The following NMNAT3 variants were observed in gnomAD, a reference collection of about 807,000 sequenced individuals.
NMNAT3 encodes nicotinamide/nicotinic acid mononucleotide adenylyltransferase 3.
In NMNAT3, 21 loss-of-function variants were observed where a neutral mutation model predicts 24.8. The ratio of observed to expected loss-of-function variants is 0.85; its 90% CI spans 0.60 to 1.22. NMNAT3 has a LOEUF of 1.22. Among genes scored for constraint, NMNAT3 ranks in the 50% most tolerant of loss-of-function variants. NMNAT3 has a pLI of 0.00. For missense variants in NMNAT3, 387 were observed against 436.6 expected, an observed-to-expected ratio of 0.89 and a Z score of 1.01; for synonymous variants, 136 against 155.2, an observed-to-expected ratio of 0.88 and a Z score of 0.92.
At chr3:139,606,232 C>T (rs1361380747) in intron 3 of NMNAT3, among the ~76,000 whole-genome samples, 1 of 152,200 alleles carries the variant, frequency 6.6e-6, no homozygotes, top group Non-Finnish European at 1.5e-5. Context: ...CCTGTATCTA[C>T]AGTCTCTGCT....
intron 3 of NMNAT3, among the ~76,000 whole-genome samples, chr3:139,625,248 A>G (rs1432461384): frequency 6.6e-6 from 1 of 152,210 alleles, no homozygotes; most frequent in East Asian, 1.9e-4. Flanking sequence ...TATGCTTCTT[A>G]TTTATAGTTG....
chr3:139,668,524 A>T (rs1310066780), intron 1 of NMNAT3, among the ~76,000 whole-genome samples: 1 of 152,238 alleles, frequency 6.6e-6, no homozygotes, highest in East Asian at 1.9e-4. Flanking sequence ...TGACAAATAG[A>T]ATACCTACCA....
Position 139,578,985 on chromosome 3 carries a change from A to C in NMNAT3, c.462T>G (p.Ala154=), listed in dbSNP as rs1314917135. Residue 154 remains alanine, a synonymous_variant, in exon 5 of 7, where the codon GCT becomes GCG. Transcript: ENST00000643695. ...GGGCCATGGCCACTCGGTGATGAGA[A>C]GCTGCGAGGTCTTTCTTCCCATAGG... The C allele has an allele frequency of 1.2e-6, 2 of 1,614,218 alleles. No individual in the cohort carries two copies. The highest frequency in any genetic ancestry group is 1.7e-5 in the Admixed American group (1 of 60,020).
intron 3 of NMNAT3, among the ~76,000 whole-genome samples, chr3:139,624,563 C>T (rs759731159): frequency 6.6e-6 from 1 of 152,164 alleles, no homozygotes; most frequent in African/African-American, 2.4e-5. Context: ...ATTATCCTGC[C>T]TCAGCCTTCT....
At position 139,615,474 on chromosome 3, in the gene NMNAT3, C is replaced by T. The variant is rs183703065; in HGVS notation, c.109+12142G>A. Among the ~76,000 whole-genome samples, 643 of 91,364 alleles carry T rather than the reference C, an allele frequency of 7.0e-3. 6 individuals are homozygous for T. Among genetic ancestry groups the T allele is most frequent in the Non-Finnish European group, 5.0e-3 (210 of 41,812 alleles). 59.9% of individuals were successfully genotyped at this position (91,364 alleles called of 152,430 possible). On this transcript the variant is annotated intron_variant, in intron 3 of 6. Coordinates refer to ENST00000643695, the MANE Select transcript of NMNAT3 (RefSeq NM_001320510.2). ...ATCTATCTATCTATCCATCCACCCA[C>T]CCATCCATCCATTTATCCATCTACC...
At chr3:139,612,115 C>T (rs2055247130) in intron 3 of NMNAT3, among the ~76,000 whole-genome samples, 1 of 148,268 alleles carries the variant, frequency 6.7e-6, no homozygotes, top group East Asian at 2.0e-4. Context: ...TGCGGTGAGC[C>T]GAGACTGTGC....
chr3:139,619,928 T>C (rs894409047), intron 3 of NMNAT3, among the ~76,000 whole-genome samples: 6 of 152,216 alleles, frequency 3.9e-5, no homozygotes, highest in African/African-American at 1.4e-4. Flanking sequence ...AATAACATTA[T>C]TGGCCTGAAA....
At chr3:139,657,005 T>C (rs2057267128) in intron 1 of NMNAT3, among the ~76,000 whole-genome samples, 1 of 152,238 alleles carries the variant, frequency 6.6e-6, no homozygotes, top group African/African-American at 2.4e-5. Context: ...AACTACACTT[T>C]TATCTTTAAT....
intron 1 of NMNAT3, among the ~76,000 whole-genome samples, chr3:139,676,080 G>T (rs1192143780): frequency 6.6e-6 from 1 of 152,128 alleles, no homozygotes; most frequent in African/African-American, 2.4e-5. Flanking sequence ...CTGCACAATG[G>T]CTGCTCTCTC....
Position 139,571,837 on chromosome 3 carries a change from T to C in NMNAT3, c.658+1761A>G, listed in dbSNP as rs370955571. ...AGCTGAGACAGGGATTCTGGAAGCA[T>C]ATGCAGAGAGGTGAAGTGTGCGAGG... On this transcript the variant is annotated intron_variant, in intron 6 of 6. Coordinates refer to ENST00000643695, the MANE Select transcript of NMNAT3 (RefSeq NM_001320510.2). 4.6e-5 allele frequency among the ~76,000 whole-genome samples: 7 copies of C among 152,242 alleles called. No homozygotes were observed. In the East Asian group the frequency reaches 9.7e-4, roughly 21 times the overall value.
At chr3:139,622,771 C>G (rs1005762025) in intron 3 of NMNAT3, among the ~76,000 whole-genome samples, 19 of 132,484 alleles carry the variant, frequency 1.4e-4, no homozygotes, top group Admixed American at 7.3e-4. Context: ...TCATATATAT[C>G]ATATATATGA....
intron 3 of NMNAT3, among the ~76,000 whole-genome samples, chr3:139,608,494 C>T (rs537605678): frequency 7.4e-4 from 112 of 152,278 alleles, no homozygotes; most frequent in African/African-American, 2.5e-3. Flanking sequence ...GTGTCACTTC[C>T]GCTGTTCACC....
chr3:139,654,200 A>G (rs890521387), intron 1 of NMNAT3, among the ~76,000 whole-genome samples: 2 of 152,246 alleles, frequency 1.3e-5, no homozygotes, highest in African/African-American at 4.8e-5. Context: ...ATTAATCTGC[A>G]GATAAAAATA....
intron 1 of NMNAT3, among the ~76,000 whole-genome samples, chr3:139,645,337 A>G (rs190859175): frequency 7.5e-4 from 114 of 152,330 alleles, no homozygotes; most frequent in African/African-American, 2.6e-3. Context: ...AATGAGAGGC[A>G]CAGATTTGTT....
chr3:139,626,109 G>A (rs139793334), intron 3 of NMNAT3, among the ~76,000 whole-genome samples: 7 of 152,064 alleles, frequency 4.6e-5, no homozygotes, highest in Middle Eastern at 3.4e-3. Context: ...TTTTCTTAAC[G>A]TTTCTTGTGT....
intron 3 of NMNAT3, among the ~76,000 whole-genome samples, chr3:139,600,066 T>C (rs1206959322): frequency 6.6e-6 from 1 of 152,216 alleles, no homozygotes; most frequent in East Asian, 1.9e-4. Flanking sequence ...CAATTTCTCT[T>C]ACTTCTTTGT....
intron 2 of NMNAT3, among the ~76,000 whole-genome samples, chr3:139,630,200 G>A (rs189946841): frequency 2.6e-5 from 4 of 152,326 alleles, no homozygotes; most frequent in Admixed American, 2.6e-4. Context: ...AGAACCTCCT[G>A]TAGATTTTGC....
At chr3:139,562,119 C>T (rs1279054362) in intron 6 of NMNAT3, among the ~76,000 whole-genome samples, 1 of 146,428 alleles carries the variant, frequency 6.8e-6, no homozygotes, top group African/African-American at 2.4e-5. Context: ...CATATGCACC[C>T]CAGAACAATT....
At chr3:139,596,916 G>GTGTATATATATATATA (rs1393197797) in intron 3 of NMNAT3, among the ~76,000 whole-genome samples, 19 of 97,136 alleles carry the variant, frequency 2.0e-4, no homozygotes, top group Non-Finnish European at 2.9e-4. Context: ...TGTCATGTGT[G>GTGTATATATATATATA]TATATATATA....
Sources: gnomAD v4.1 joint callset for allele counts (sites outside exome capture counted in the v4.1 genomes callset) on GRCh38, gnomAD v4.1.1 for gene constraint, MANE v1.5 for transcripts, NCBI Gene and HGNC (gene_info 2026-07-23, HGNC 2026-07-21) for gene names.